The following POU6F2 variants were observed in gnomAD, a reference collection of about 807,000 sequenced individuals.
POU6F2 encodes the protein POU class 6 homeobox 2.
Under a neutral mutation model 71.3 loss-of-function variants are expected in POU6F2, and 31 were observed. That is an observed-to-expected ratio of 0.43 (90% CI 0.33 to 0.59). The LOEUF (loss-of-function observed/expected upper bound fraction) is 0.59. Among genes scored for constraint, POU6F2 ranks in the 20% least tolerant of loss-of-function variants. POU6F2 has a pLI of 0.04. For synonymous variants in POU6F2, 347 were observed against 355.7 expected (o/e 0.98, Z 0.27); for missense variants, 783 against 856.8 (o/e 0.91, Z 1.07).
intron 1 of POU6F2, among the ~76,000 whole-genome samples, chr7:38,989,301 A>C (rs1461866191): frequency 6.6e-6 from 1 of 152,142 alleles, no homozygotes; most frequent in Non-Finnish European, 1.5e-5. Flanking sequence ...ATCTGAGTAC[A>C]GAGATGTATA....
intron 7 of POU6F2, 71 bp downstream of exon 7, chr7:39,433,354 A>C: frequency 2.0e-5 from 31 of 1,528,432 alleles, no homozygotes; most frequent in Middle Eastern, 1.7e-4. Context: ...CTTTGGTCTC[A>C]ATCAATGAAA....
intron 2 of POU6F2, among the ~76,000 whole-genome samples, chr7:39,137,664 C>T (rs1052251211): frequency 1.3e-5 from 2 of 152,214 alleles, no homozygotes; most frequent in Admixed American, 6.5e-5. Context: ...ACATTAAACA[C>T]TCCTGATGTC....
chr7:39,180,592 C>T (rs576544931), intron 2 of POU6F2, among the ~76,000 whole-genome samples: 5 of 152,232 alleles, frequency 3.3e-5, no homozygotes, highest in Admixed American at 6.5e-5. Context: ...CTCGTGTCTC[C>T]GCTATTCCCA....
At chr7:39,003,013 T>C (rs939164252) in intron 1 of POU6F2, among the ~76,000 whole-genome samples, 1 of 152,218 alleles carries the variant, frequency 6.6e-6, no homozygotes, top group Non-Finnish European at 1.5e-5. Context: ...GCCAACACAA[T>C]TTAGTTATCT....
intron 1 of POU6F2, among the ~76,000 whole-genome samples, chr7:39,051,687 A>G (rs1288209244): frequency 6.6e-6 from 1 of 152,124 alleles, no homozygotes; most frequent in Non-Finnish European, 1.5e-5. Flanking sequence ...TTTGATTGCC[A>G]TCCTCTCCTG....
At chr7:38,995,273 T>C (rs1469337285) in intron 1 of POU6F2, among the ~76,000 whole-genome samples, 1 of 152,182 alleles carries the variant, frequency 6.6e-6, no homozygotes, top group Non-Finnish European at 1.5e-5. Flanking sequence ...TTAGAAAAGA[T>C]ATTGTTAAAG....
intron 4 of POU6F2, among the ~76,000 whole-genome samples, chr7:39,284,045 C>T (rs998551257): frequency 1.3e-5 from 2 of 152,118 alleles, no homozygotes; most frequent in Non-Finnish European, 1.5e-5. Context: ...CAAACCTTTC[C>T]CCTACACCGT....
rs528724081 is a variant in POU6F2 at position 39,242,088 on chromosome 7, A to G, written c.598+34468A>G. ...TAAGGTTTCACTGTGTGGATATACC[A>G]CAGTTTGTTAATCCATTTGCCAGTT... On this transcript the variant is annotated intron_variant, in intron 4 of 9. Transcript: ENST00000518318. 1.2e-4 allele frequency among the ~76,000 whole-genome samples: 19 copies of G among 152,286 alleles called. No individual in the cohort carries two copies. The South Asian group carries it at 2.3e-3, about 18-fold the overall frequency.
At chr7:38,993,820 T>TC (rs1788669318) in intron 1 of POU6F2, among the ~76,000 whole-genome samples, 1 of 152,206 alleles carries the variant, frequency 6.6e-6, no homozygotes, top group Non-Finnish European at 1.5e-5. Flanking sequence ...TTCGGAGCAC[T>TC]GGCCTCTTGC....
chr7:39,291,282 C>G (rs1784751127), intron 4 of POU6F2, among the ~76,000 whole-genome samples: 1 of 152,134 alleles, frequency 6.6e-6, no homozygotes, highest in African/African-American at 2.4e-5. Context: ...TAGCATTAAC[C>G]TACATTTGAC....
intron 5 of POU6F2, among the ~76,000 whole-genome samples, chr7:39,361,750 G>A (rs1034349671): frequency 4.6e-5 from 7 of 152,166 alleles, no homozygotes; most frequent in African/African-American, 1.4e-4. Context: ...TAAAAGATGT[G>A]TTTCTCTCAC....
At chr7:39,071,571 T>C (rs1416223731) in intron 1 of POU6F2, among the ~76,000 whole-genome samples, 1 of 151,790 alleles carries the variant, frequency 6.6e-6, no homozygotes, top group Non-Finnish European at 1.5e-5. Flanking sequence ...CCCAGCACTT[T>C]GGGAAGCTGA....
At chr7:39,292,046 T>G (rs4989072) in intron 4 of POU6F2, among the ~76,000 whole-genome samples, 69,517 of 151,054 alleles carry the variant, frequency 0.46, 16,760 homozygotes, top group Admixed American at 0.59. Context: ...GGAAAAAAAC[T>G]GAGAAGGAGA....
At chr7:39,255,374 G>T (rs982504309) in intron 4 of POU6F2, among the ~76,000 whole-genome samples, 8 of 152,100 alleles carry the variant, frequency 5.3e-5, no homozygotes, top group African/African-American at 1.7e-4. Flanking sequence ...ATGAGAATAT[G>T]CTCCACTAAA....
At chr7:39,197,930 G>A (rs972334091) in intron 2 of POU6F2, among the ~76,000 whole-genome samples, 1 of 152,106 alleles carries the variant, frequency 6.6e-6, no homozygotes, top group African/African-American at 2.4e-5. Context: ...ATGAGTTAGA[G>A]ACTTTTCCCT....
intron 5 of POU6F2, among the ~76,000 whole-genome samples, chr7:39,378,379 C>T (rs779837486): frequency 7.2e-5 from 11 of 152,168 alleles, no homozygotes; most frequent in Non-Finnish European, 1.5e-4. Flanking sequence ...CCCTGAATCC[C>T]CTCCAATCCC....
At chr7:39,431,619 C>G (rs1788103827) in intron 6 of POU6F2, among the ~76,000 whole-genome samples, 1 of 152,072 alleles carries the variant, frequency 6.6e-6, no homozygotes, top group African/African-American at 2.4e-5. Context: ...GCTGTGGGAG[C>G]TAGGGGGAAG....
intron 9 of POU6F2, among the ~76,000 whole-genome samples, chr7:39,462,961 C>A (rs1195477751): frequency 1.3e-5 from 2 of 152,166 alleles, no homozygotes; most frequent in Non-Finnish European, 2.9e-5. Flanking sequence ...TTGCAAGCAT[C>A]CTTACAAAAC....
chr7:39,395,761 A>G (rs1365785142), intron 5 of POU6F2, among the ~76,000 whole-genome samples: 1 of 152,220 alleles, frequency 6.6e-6, no homozygotes, highest in African/African-American at 2.4e-5. Context: ...GTAAGAACTC[A>G]GCAAGTATTG....
Sources: gnomAD v4.1 joint callset for allele counts (sites outside exome capture counted in the v4.1 genomes callset) on GRCh38, gnomAD v4.1.1 for gene constraint, MANE v1.5 for transcripts, NCBI Gene and HGNC (gene_info 2026-07-23, HGNC 2026-07-21) for gene names.